Variants in POLE observed in about 807,000 individuals in gnomAD.
The protein encoded by POLE is DNA polymerase epsilon catalytic subunit A.
In POLE, 188 loss-of-function variants were observed where a neutral mutation model predicts 279.2. The ratio of observed to expected loss-of-function variants is 0.67; its 90% CI spans 0.60 to 0.76. The LOEUF (loss-of-function observed/expected upper bound fraction) is 0.76, where lower values mean the gene tolerates loss of function less well. Among genes scored for constraint, POLE ranks in the 30% least tolerant of loss-of-function variants. The pLI, the probability that POLE is intolerant of heterozygous loss-of-function variation, is 0.00. For missense variants in POLE, 2,703 were observed against 3,016.7 expected, an observed-to-expected ratio of 0.90 and a Z score of 2.44; for synonymous variants, 1,214 against 1,172.5, an observed-to-expected ratio of 1.04 and a Z score of -0.72.
At chr12:132,684,378 G>A (rs61952118) in intron 1 of POLE, among the ~76,000 whole-genome samples, 7 of 920 alleles carry the variant, frequency 7.6e-3, no homozygotes, top group Non-Finnish European at 6.2e-3. Context: ...ACTGGTTACT[G>A]TATCACACCG....
chr12:132,662,938 C>T (rs751395583), intron 23 of POLE, among the ~76,000 whole-genome samples: 20 of 152,126 alleles, frequency 1.3e-4, no homozygotes, highest in Admixed American at 5.2e-4. Context: ...AGGATAGCAA[C>T]GCTTCCCTAC....
Position 132,664,612 on chromosome 12 carries a change from G to A in POLE, c.2469-150C>T, listed in dbSNP as rs1347879913. ...GCGTGCACCAGGACAGAACTAAGGT[G>A]GAATCTGGCTCTGCCCGAGGACACC... On this transcript the variant is annotated intron_variant, in intron 21 of 48. Transcript: ENST00000320574. The surrounding 1 kb of genome is among the most constrained non-coding windows in gnomAD (Gnocchi z 5.3). 8.9e-6 allele frequency: 6 copies of A among 672,214 alleles called. No individual in the cohort carries two copies. Among genetic ancestry groups the A allele is most frequent in the South Asian group, 3.4e-5 (2 of 59,040 alleles). 41.6% of individuals were successfully genotyped at this position (672,214 alleles called of 1,614,324 possible).
At chr12:132,667,894 C>T (rs1221477993) in intron 19 of POLE, among the ~76,000 whole-genome samples, 1 of 152,056 alleles carries the variant, frequency 6.6e-6, no homozygotes. Flanking sequence ...CCAGCCTAGG[C>T]AACATGGCAA....
chr12:132,657,500 G>C, intron 27 of POLE, 71 bp from the exon 28 acceptor site: 2 of 1,266,990 alleles, frequency 1.6e-6, no homozygotes, highest in South Asian at 2.5e-5. Context: ...ACTTCATGCT[G>C]AGCACAGGGC....
chr12:132,657,490 ACTT>A (rs2042572677), intron 27 of POLE, 61 bp from the exon 28 acceptor site: 1 of 1,386,636 alleles, frequency 7.2e-7, no homozygotes, highest in Non-Finnish European at 1.0e-6. Flanking sequence ...AGTGGGGCTC[ACTT>A]CATGCTGAGC....
At chr12:132,666,663 A>G (rs2042803415) in intron 20 of POLE, among the ~76,000 whole-genome samples, 1 of 151,156 alleles carries the variant, frequency 6.6e-6, no homozygotes, top group Non-Finnish European at 1.5e-5. Flanking sequence ...TGACATCCCT[A>G]GAGTCGTGGA....
chr12:132,672,458 T>C (rs578003091), intron 15 of POLE, 136 bp from the exon 16 acceptor site: 19 of 1,010,332 alleles, frequency 1.9e-5, no homozygotes, highest in African/African-American at 1.4e-4. Context: ...CAATCTGCAG[T>C]GCACTGCCCT....
chr12:132,668,221 A>G lies in POLE; in HGVS notation c.2173+135T>C. On this transcript the variant is annotated intron_variant, in intron 19 of 48. Coordinates refer to ENST00000320574, the MANE Select transcript of POLE (RefSeq NM_006231.4). This position sits in a 1 kb window ranked among gnomAD's most constrained non-coding sequence, Gnocchi z 4.0. ...TGCAGTGAGAGCACAGCTTACAGTG[A>G]CCTAGAGCAGCTTCTGGTCTGCTGT... The G allele has an allele frequency of 1.0e-6, 1 of 968,644 alleles. No homozygotes were observed. Among genetic ancestry groups the G allele is most frequent in the Non-Finnish European group, 1.5e-6 (1 of 669,642 alleles). 60.0% of individuals were successfully genotyped at this position (968,644 alleles called of 1,614,324 possible).
intron 6 of POLE, 30 bp downstream of exon 6, chr12:132,679,467 T>C: frequency 6.3e-7 from 1 of 1,588,060 alleles, no homozygotes; most frequent in Non-Finnish European, 8.6e-7. Flanking sequence ...TCTGAACCGC[T>C]GATGCTTTGC....
Position 132,668,082 on chromosome 12 carries a change from CA to C in POLE, c.2173+273del, listed in dbSNP as rs33985588. ...TGGGTGACAGAGTGAGACCTCATTTCAAAAAAAAAAAGAAAGAAATAGGACA... is the reference window on the plus strand; with the variant it reads ...TGGGTGACAGAGTGAGACCTCATTTCAAAAAAAAAAGAAAGAAATAGGACA... On this transcript the variant is annotated intron_variant, in intron 19 of 48. Transcript: ENST00000320574. This position sits in a 1 kb window ranked among gnomAD's most constrained non-coding sequence, Gnocchi z 4.0. 0.69 allele frequency among the ~76,000 whole-genome samples: 102,200 copies of C among 148,686 alleles called. 35,918 individuals carry two copies. Among genetic ancestry groups the C allele is most frequent in the African/African-American group, 0.85 (34,578 of 40,596 alleles).
intron 16 of POLE, among the ~76,000 whole-genome samples, chr12:132,669,534 A>C (rs1458378578): frequency 5.9e-5 from 9 of 152,224 alleles, no homozygotes; most frequent in Non-Finnish European, 5.9e-5. Flanking sequence ...CACACCTAAA[A>C]TTTTAAGAAA....
intron 20 of POLE, among the ~76,000 whole-genome samples, 185 bp from the exon 21 acceptor site, chr12:132,665,635 CT>C (rs374684851): frequency 4.6e-5 from 7 of 152,130 alleles, no homozygotes; most frequent in African/African-American, 1.4e-4. Flanking sequence ...GTCACACTTC[CT>C]TTATTCTGTC....
chr12:132,641,148 G>A (rs1014960547), intron 39 of POLE: 16 of 443,632 alleles, frequency 3.6e-5, no homozygotes, highest in East Asian at 2.8e-4. Context: ...CGAAGTGCTC[G>A]GCCCACCTCC....
intron 32 of POLE, among the ~76,000 whole-genome samples, chr12:132,644,444 T>TG (rs1434070883): frequency 6.8e-6 from 1 of 146,212 alleles, no homozygotes; most frequent in Non-Finnish European, 1.5e-5. Flanking sequence ...TGAGCCACTA[T>TG]GCCTGGCCTC....
intron 29 of POLE, among the ~76,000 whole-genome samples, chr12:132,652,276 C>CAT (rs1162228488): frequency 6.7e-6 from 1 of 148,898 alleles, no homozygotes; most frequent in Non-Finnish European, 1.5e-5. Context: ...ACCCCAGCAT[C>CAT]ATAGTCTCCT....
In POLE at chr12:132,634,172, G is replaced by A. The variant is rs752479019; in HGVS notation, c.6004+14C>T. 1.2e-6 allele frequency: 2 copies of A among 1,600,646 alleles called. No individual in the cohort carries two copies. Among genetic ancestry groups the A allele is most frequent in the South Asian group, 1.1e-5 (1 of 88,854 alleles). On this transcript the variant is annotated intron_variant, in intron 43 of 48. Coordinates refer to ENST00000320574, the MANE Select transcript of POLE (RefSeq NM_006231.4). The surrounding 1 kb of genome is among the most constrained non-coding windows in gnomAD (Gnocchi z 4.0). ...CTTCAGTGGGGGCTGCGCAGCCCTG[G>A]GCTCTGGGCTTACCTGAAACAATCA... is the stretch of plus-strand genomic sequence containing the variant.
rs748503586 is a variant in POLE, at chr12:132,677,678, G to C, written c.620C>G (p.Thr207Ser). The change falls in exon 7 of 49, where the codon ACC (threonine) becomes AGC (serine). Residue 207 changes from threonine (T) to serine (S), a missense_variant. Coordinates refer to ENST00000320574, the MANE Select transcript of POLE (RefSeq NM_006231.4). ...CAACTGGTCAGCTATCTTCTTAGAGGTTTCCTCTTCATCAGTAATGACACC... is the reference window on the plus strand; with the variant it reads ...CAACTGGTCAGCTATCTTCTTAGAGCTTTCCTCTTCATCAGTAATGACACC... The part of the protein sequence containing the change: ...RGGVITDEEE[T>S]SKKIADQLDN... 6 of 1,614,112 alleles carry C rather than the reference G, an allele frequency of 3.7e-6. No individual in the cohort carries two copies.
chr12:132,634,551 C>A lies in POLE; in HGVS notation c.5812-173G>T, dbSNP rs545874911. Among the ~76,000 whole-genome samples the A allele has an allele frequency of 5.3e-5, 8 of 152,320 alleles. No individual in the cohort carries two copies. In the East Asian group the frequency reaches 5.8e-4, roughly 11 times the overall value. ...TGCGTGAATCCCCCAGGGTGGCTCC[C>A]AGTACAAAGTGCTTTGTGGGAAGCG... On this transcript the variant is annotated intron_variant, in intron 42 of 48. Transcript: ENST00000320574. The surrounding 1 kb of genome is among the most constrained non-coding windows in gnomAD (Gnocchi z 4.0).
chr12:132,676,465 G>C (rs1007969991), intron 9 of POLE, 81 bp downstream of exon 9: 1 of 928,230 alleles, frequency 1.1e-6, no homozygotes, highest in African/African-American at 1.6e-5. Flanking sequence ...AATACTAACA[G>C]TGGGGCAGAT....
Sources: gnomAD v4.1 joint callset for allele counts (sites outside exome capture counted in the v4.1 genomes callset) on GRCh38, gnomAD v4.1.1 for gene constraint, Gnocchi (gnomAD v3.1) non-coding constraint, MANE v1.5 for transcripts, NCBI Gene and HGNC (gene_info 2026-07-23, HGNC 2026-07-21) for gene names.